Variants in WDR64 observed in about 807,000 individuals in gnomAD.
WDR64 encodes the protein WD repeat-containing protein 64.
Under a neutral mutation model 139.3 loss-of-function variants are expected in WDR64, and 112 were observed. The observed-to-expected ratio is 0.80, with a 90% CI of 0.69 to 0.94. The LOEUF (loss-of-function observed/expected upper bound fraction) is 0.94, where lower values mean the gene tolerates loss of function less well. WDR64 is among the 40% of genes least tolerant of loss of function. The pLI, the probability that WDR64 is intolerant of heterozygous loss-of-function variation, is 0.00. For missense variants in WDR64, 1,206 were observed against 1,293.1 expected, an observed-to-expected ratio of 0.93 and a Z score of 1.03; for synonymous variants, 444 against 437.7, an observed-to-expected ratio of 1.01 and a Z score of -0.18.
chr1:241,757,431 T>C lies in WDR64; in HGVS notation c.1919T>C (p.Val640Ala). 1.2e-6 allele frequency: 2 copies of C among 1,613,048 alleles called. No individual in the cohort carries two copies. Among genetic ancestry groups the C allele is most frequent in the Non-Finnish European group, 1.7e-6 (2 of 1,179,626 alleles). The change falls in exon 15 of 28, where the codon GTT (valine) becomes GCT (alanine). Residue 640 changes from valine (V) to alanine (A), a missense_variant. By Grantham distance (64) the Val-to-Ala change is moderately conservative. Coordinates refer to ENST00000437684, the MANE Select transcript of WDR64 (RefSeq NM_001367482.1). ...CCTTTCCCAGATGTCGAGTTGATAG[T>C]TGAGAGGAACTTTTCTCAACCTACT... ...AIPFPDVELI[V>A]ERNFSQPTDN...
chr1:241,681,421 C>A (rs1666788577), intron 6 of WDR64, among the ~76,000 whole-genome samples: 1 of 152,180 alleles, frequency 6.6e-6, no homozygotes. Flanking sequence ...AGTCTCCAAT[C>A]CCATCCAGGT....
Position 241,801,743 on chromosome 1 carries a change from A to C in WDR64, c.*528A>C, listed in dbSNP as rs568487447. On this transcript the variant is annotated 3_prime_UTR_variant, in exon 28 of 28. Coordinates refer to ENST00000437684, the MANE Select transcript of WDR64 (RefSeq NM_001367482.1). ...TTTCTCAAAGTCAGAAATTATTTCTATGTAGTCCAGACCTGACTCCAGATA... is the reference window on the plus strand; with the variant it reads ...TTTCTCAAAGTCAGAAATTATTTCTCTGTAGTCCAGACCTGACTCCAGATA... 9 of 398,608 alleles carry C rather than the reference A, an allele frequency of 2.3e-5. No homozygotes were observed. In the South Asian group the frequency reaches 8.9e-4, roughly 39 times the overall value. The allele number at this position is 398,608 out of a possible 1,614,324, so 24.7% of individuals were successfully genotyped here.
intron 16 of WDR64, 99 bp downstream of exon 16, chr1:241,766,450 T>C (rs1658174979): frequency 1.5e-6 from 2 of 1,371,294 alleles, no homozygotes; most frequent in African/African-American, 1.5e-5. Context: ...GTGGCTCAGG[T>C]CTGTAAACCC....
chr1:241,771,951 T>C (rs71535341), intron 19 of WDR64, among the ~76,000 whole-genome samples: 1,442 of 44,814 alleles, frequency 0.032, 13 homozygotes, highest in Non-Finnish European at 0.042. Context: ...CATACATATA[T>C]ATATATATAT....
chr1:241,665,050 A>G (rs1032620513), intron 2 of WDR64, among the ~76,000 whole-genome samples: 5 of 152,092 alleles, frequency 3.3e-5, no homozygotes, highest in African/African-American at 1.2e-4. Context: ...GAAGAAGGAG[A>G]AGGAGAAGGA....
chr1:241,749,413 C>T lies in WDR64; in HGVS notation c.1595-134C>T. On this transcript the variant is annotated intron_variant, in intron 13 of 27. Transcript: ENST00000437684. Reference sequence around the variant, plus strand: ...GCACAGCAAGCCTGGGAAGACTCACCCATCTGAGTAGGGAATAAATATAGG... The same window carrying T: ...GCACAGCAAGCCTGGGAAGACTCACTCATCTGAGTAGGGAATAAATATAGG... 5.2e-6 allele frequency: 5 copies of T among 965,260 alleles called. No homozygotes were observed. The South Asian group carries it at 5.5e-5, about 11-fold the overall frequency. The allele number at this position is 965,260 out of a possible 1,614,324, so 59.8% of individuals were successfully genotyped here.
intron 27 of WDR64, 115 bp downstream of exon 27, chr1:241,796,485 G>T: frequency 3.3e-5 from 23 of 688,356 alleles, no homozygotes; most frequent in Admixed American, 1.4e-4. Flanking sequence ...AATCATTTCA[G>T]TTCATACTTT....
intron 10 of WDR64, among the ~76,000 whole-genome samples, chr1:241,735,598 G>A (rs1295052943): frequency 8.1e-5 from 11 of 136,598 alleles, no homozygotes; most frequent in African/African-American, 2.0e-4. Context: ...GCTGTAGTGC[G>A]ATCTTGGCTC....
At chr1:241,789,863 C>T (rs1445178074) in intron 24 of WDR64, among the ~76,000 whole-genome samples, 1 of 152,184 alleles carries the variant, frequency 6.6e-6, no homozygotes, top group Admixed American at 6.6e-5. Flanking sequence ...CAAACCTGCA[C>T]ATGTACCACT....
Position 241,749,485 on chromosome 1 carries a change from C to T in WDR64, c.1595-62C>T. The T allele has an allele frequency of 9.7e-6, 15 of 1,554,224 alleles. No homozygotes were observed. The Middle Eastern group carries it at 9.3e-4, about 97-fold the overall frequency. ...TTCGATCGGATGAATTTTCTCTGAGCGAAAAGCCAAGCTTTCTCTAAGTCA... is the reference window on the plus strand; with the variant it reads ...TTCGATCGGATGAATTTTCTCTGAGTGAAAAGCCAAGCTTTCTCTAAGTCA... On this transcript the variant is annotated intron_variant, in intron 13 of 27. Coordinates refer to ENST00000437684, the MANE Select transcript of WDR64 (RefSeq NM_001367482.1).
chr1:241,734,356 G>A (rs1039233933), intron 10 of WDR64, among the ~76,000 whole-genome samples: 2 of 152,100 alleles, frequency 1.3e-5, no homozygotes, highest in East Asian at 1.9e-4. Context: ...TGTCATGGGC[G>A]TGTGTCCTCA....
chr1:241,756,309 T>G (rs1670188768), intron 14 of WDR64, among the ~76,000 whole-genome samples: 1 of 152,210 alleles, frequency 6.6e-6, no homozygotes, highest in Non-Finnish European at 1.5e-5. Flanking sequence ...ACATATTTTA[T>G]TCTCTTCGTA....
At position 241,780,038 on chromosome 1, in the gene WDR64, C is replaced by T; in HGVS notation, c.2571C>T (p.Phe857=). The change falls in exon 22 of 28, where the codon TTC becomes TTT. Residue 857 remains phenylalanine (F), a synonymous_variant. Coordinates refer to ENST00000437684, the MANE Select transcript of WDR64 (RefSeq NM_001367482.1). ...TTATCCTTTGCAATATTAGCTCTTT[C>T]CTGGATCCACCTCATGATGAAAAGG... ...GHVILCNISS[F]LDPPHDEKKF... 1.3e-6 allele frequency: 2 copies of T among 1,587,672 alleles called. No homozygotes were observed. Among genetic ancestry groups the T allele is most frequent in the Non-Finnish European group, 1.7e-6 (2 of 1,173,176 alleles).
chr1:241,716,287 G>A (rs373655343), intron 9 of WDR64, among the ~76,000 whole-genome samples: 19 of 145,296 alleles, frequency 1.3e-4, no homozygotes, highest in Admixed American at 2.1e-4. Context: ...GCTTTTGCAG[G>A]AAAAAAAAAA....
chr1:241,739,316 G>T (rs375538059), intron 11 of WDR64, among the ~76,000 whole-genome samples: 1 of 152,182 alleles, frequency 6.6e-6, no homozygotes, highest in African/African-American at 2.4e-5. Flanking sequence ...AAGCCAAAAT[G>T]AGTGAATTTC....
At chr1:241,704,778 CT>C (rs981009616) in intron 8 of WDR64, among the ~76,000 whole-genome samples, 1 of 152,142 alleles carries the variant, frequency 6.6e-6, no homozygotes, top group African/African-American at 2.4e-5. Flanking sequence ...TTAAATGGCT[CT>C]TTTCCTGCTG....
intron 25 of WDR64, among the ~76,000 whole-genome samples, chr1:241,792,302 C>T (rs373483817): frequency 1.5e-4 from 23 of 152,120 alleles, no homozygotes; most frequent in Admixed American, 7.2e-4. Context: ...TGTGGGAGGC[C>T]GAGGTGGGCA....
chr1:241,716,773 A>G (rs549972203), intron 9 of WDR64, among the ~76,000 whole-genome samples: 3 of 152,164 alleles, frequency 2.0e-5, no homozygotes, highest in Non-Finnish European at 2.9e-5. Context: ...GCCACCACAT[A>G]TGATTCCATT....
At chr1:241,745,399 T>C (rs1037439737) in intron 13 of WDR64, among the ~76,000 whole-genome samples, 3 of 151,886 alleles carry the variant, frequency 2.0e-5, no homozygotes, top group Non-Finnish European at 4.4e-5. Flanking sequence ...AACTGTTCCA[T>C]AAGCACACCC....
Sources: allele counts gnomAD v4.1 joint callset (sites outside exome capture counted in the v4.1 genomes callset), GRCh38; gene constraint gnomAD v4.1.1; transcripts MANE v1.5; gene names NCBI Gene and HGNC (gene_info 2026-07-23, HGNC 2026-07-21).